The following CLSTN2 variants were observed in gnomAD, a reference collection of about 807,000 sequenced individuals.
The protein encoded by CLSTN2 is calsyntenin-2.
In CLSTN2, 48 loss-of-function variants were observed where a neutral mutation model predicts 101.2. The ratio of observed to expected loss-of-function variants is 0.47; its 90% confidence interval spans 0.38 to 0.60. The LOEUF is 0.60. Among genes scored for constraint, CLSTN2 ranks in the 20% least tolerant of loss-of-function variants. The pLI, the probability that CLSTN2 is intolerant of heterozygous loss-of-function variation, is 0.00. For missense variants in CLSTN2, 1,160 were observed against 1,238.2 expected, an observed-to-expected ratio of 0.94 and a Z score of 0.95; for synonymous variants, 481 against 463.6, an observed-to-expected ratio of 1.04 and a Z score of -0.48.
chr3:140,309,232 C>T (rs566397256), intron 2 of CLSTN2, among the ~76,000 whole-genome samples: 2 of 152,188 alleles, frequency 1.3e-5, no homozygotes, highest in South Asian at 2.1e-4. Context: ...TCCTGGCCTA[C>T]CTGGCATCCG....
intron 2 of CLSTN2, among the ~76,000 whole-genome samples, chr3:140,368,719 C>T (rs1247710577): frequency 6.6e-6 from 1 of 152,152 alleles, no homozygotes; most frequent in Non-Finnish European, 1.5e-5. Context: ...AAAGACTGGT[C>T]AGGACTTGAA....
intron 2 of CLSTN2, among the ~76,000 whole-genome samples, chr3:140,242,961 A>T (rs2107869436): frequency 6.6e-6 from 1 of 152,342 alleles, no homozygotes; most frequent in Middle Eastern, 3.4e-3. Flanking sequence ...GTTCACTTTC[A>T]TCAACACCTG....
intron 1 of CLSTN2, among the ~76,000 whole-genome samples, chr3:140,153,744 C>T (rs1048795305): frequency 5.3e-5 from 8 of 152,188 alleles, no homozygotes; most frequent in Admixed American, 1.3e-4. Context: ...TCTGAGCTTG[C>T]TCCACCTCAG....
intron 2 of CLSTN2, among the ~76,000 whole-genome samples, chr3:140,193,325 G>A (rs1235620334): frequency 7.0e-6 from 1 of 143,650 alleles, no homozygotes; most frequent in Non-Finnish European, 1.5e-5. Flanking sequence ...TTCAGAATAG[G>A]CCTGCTGGTG....
intron 1 of CLSTN2, among the ~76,000 whole-genome samples, chr3:140,120,194 C>A (rs1388929197): frequency 6.6e-6 from 1 of 152,154 alleles, no homozygotes; most frequent in Non-Finnish European, 1.5e-5. Context: ...GGTCCCTGGG[C>A]CTCTGGAACT....
chr3:140,551,231 G>C (rs1935693223), intron 10 of CLSTN2, among the ~76,000 whole-genome samples: 1 of 151,656 alleles, frequency 6.6e-6, no homozygotes, highest in African/African-American at 2.4e-5. Context: ...GACAGTTACT[G>C]CCCTCCTCCC....
intron 2 of CLSTN2, among the ~76,000 whole-genome samples, chr3:140,213,114 G>A (rs1025983153): frequency 4.6e-5 from 7 of 152,170 alleles, no homozygotes; most frequent in African/African-American, 1.7e-4. Context: ...ATATGAACAT[G>A]TTCTCCTTGT....
intron 2 of CLSTN2, among the ~76,000 whole-genome samples, chr3:140,229,845 T>C (rs1016803188): frequency 9.2e-5 from 14 of 152,128 alleles, no homozygotes; most frequent in Non-Finnish European, 8.8e-5. Flanking sequence ...GGTTCCTTCC[T>C]GCCCTAAGGA....
intron 8 of CLSTN2, among the ~76,000 whole-genome samples, chr3:140,498,960 GTTTT>G (rs532312992): frequency 7.2e-6 from 1 of 138,988 alleles, no homozygotes; most frequent in African/African-American, 2.6e-5. Flanking sequence ...GCACTTGAAT[GTTTT>G]TTTTTTTTTT....
At chr3:140,171,679 A>T (rs1207505447) in intron 1 of CLSTN2, among the ~76,000 whole-genome samples, 3 of 8,308 alleles carry the variant, frequency 3.6e-4, no homozygotes, top group Non-Finnish European at 1.0e-3. Context: ...AATATGTATT[A>T]TATATAATAT....
intron 1 of CLSTN2, among the ~76,000 whole-genome samples, chr3:140,091,440 T>C (rs1232699408): frequency 6.6e-6 from 1 of 152,164 alleles, no homozygotes; most frequent in Non-Finnish European, 1.5e-5. Flanking sequence ...GCTGCCTTCC[T>C]TGGGGGAAGG....
chr3:140,039,153 A>G (rs943554521), intron 1 of CLSTN2, among the ~76,000 whole-genome samples: 1 of 152,058 alleles, frequency 6.6e-6, no homozygotes, highest in African/African-American at 2.4e-5. Flanking sequence ...CATTTCTTTT[A>G]CCTGGATATC....
chr3:140,258,188 C>T (rs1456193833), intron 2 of CLSTN2, among the ~76,000 whole-genome samples: 3 of 152,036 alleles, frequency 2.0e-5, no homozygotes, highest in African/African-American at 7.2e-5. Context: ...TGCTAACCTC[C>T]CTTTAGTAAA....
At position 140,568,845 on chromosome 3, in the gene CLSTN2, G is replaced by A. The variant is rs191923937; in HGVS notation, c.*2592G>A. 2.6e-5 allele frequency: 4 copies of A among 152,188 alleles called. No homozygotes were observed. The highest frequency in any genetic ancestry group is 2.1e-4 in the South Asian group (1 of 4,794). 9.4% of individuals were successfully genotyped at this position (152,188 alleles called of 1,614,324 possible). A position where few individuals can be genotyped will look rare whatever the true frequency, so the allele number is the denominator to read the frequency against. ...ATGTGTTGGGGTTTTTTTGGTAGGGGGGGTAGCAGGTAAAGGTGGCCCATG... is the reference window on the plus strand; with the variant it reads ...ATGTGTTGGGGTTTTTTTGGTAGGGAGGGTAGCAGGTAAAGGTGGCCCATG... On this transcript the variant is annotated 3_prime_UTR_variant, in exon 17 of 17. Transcript: ENST00000458420.
At chr3:140,459,229 C>G (rs905699295) in intron 6 of CLSTN2, among the ~76,000 whole-genome samples, 1 of 152,180 alleles carries the variant, frequency 6.6e-6, no homozygotes, top group Non-Finnish European at 1.5e-5. Flanking sequence ...CTAGTAAGAG[C>G]CCCCAGGGTT....
At chr3:140,313,078 G>T (rs2087187346) in intron 2 of CLSTN2, among the ~76,000 whole-genome samples, 1 of 152,162 alleles carries the variant, frequency 6.6e-6, no homozygotes, top group African/African-American at 2.4e-5. Context: ...GCCATTCATG[G>T]TTCTACGTAC....
chr3:140,564,573 C>T (rs1178811448), intron 16 of CLSTN2, among the ~76,000 whole-genome samples: 3 of 152,106 alleles, frequency 2.0e-5, no homozygotes, highest in African/African-American at 7.2e-5. Flanking sequence ...AGGCTTGGAA[C>T]AGATTAAAAG....
intron 2 of CLSTN2, among the ~76,000 whole-genome samples, chr3:140,191,889 A>G (rs375550929): frequency 6.6e-6 from 1 of 151,858 alleles, no homozygotes; most frequent in South Asian, 2.1e-4. Context: ...TCCTACTTGT[A>G]TGGGCTTATT....
chr3:139,942,670 G>T (rs1415415388), intron 1 of CLSTN2, among the ~76,000 whole-genome samples: 3 of 152,048 alleles, frequency 2.0e-5, no homozygotes, highest in Non-Finnish European at 4.4e-5. Context: ...CCATTGTATT[G>T]TTCTCAGATA....
Sources: gnomAD v4.1 joint callset for allele counts (sites outside exome capture counted in the v4.1 genomes callset) on GRCh38, gnomAD v4.1.1 for gene constraint, MANE v1.5 for transcripts, NCBI Gene and HGNC (gene_info 2026-07-23, HGNC 2026-07-21) for gene names.